Variants in RFX8 observed in about 807,000 individuals in gnomAD.
RFX8 encodes DNA-binding protein RFX8.
RFX8 carries 46 observed loss-of-function variants against 54.6 expected under a neutral mutation model. The observed-to-expected ratio is 0.84, with a 90% CI of 0.67 to 1.08. The LOEUF is 1.08. Ranked by LOEUF, RFX8 falls within the 50% of genes least tolerant of loss-of-function variation. The probability of loss-of-function intolerance (pLI) is 0.00; values close to 1 mark genes in which losing one functional copy is unlikely to be tolerated. For missense variants in RFX8, 536 were observed against 562.3 expected (o/e 0.95, Z 0.47); for synonymous variants, 192 against 209.5 (o/e 0.92, Z 0.72).
At chr2:101,462,867 C>T (rs1689356343) in intron 2 of RFX8, among the ~76,000 whole-genome samples, 1 of 152,050 alleles carries the variant, frequency 6.6e-6, no homozygotes, top group African/African-American at 2.4e-5. Flanking sequence ...CAGTTAGGGT[C>T]CCAATAGGAA....
In RFX8 at chr2:101,421,722, A is replaced by G. The variant is rs1181922918; in HGVS notation, c.237+2T>C. ...TACCCTCTCAAGTTCTCAGTTCCTC[A>G]CATTTCGTAAAATGTCTCGACAATA... is the stretch of plus-strand genomic sequence containing the variant. On this transcript the variant is annotated splice_donor_variant, in intron 4 of 11. Coordinates refer to ENST00000428343, the MANE Select transcript of RFX8 (RefSeq NM_001145664.2). LOFTEE classifies it high-confidence loss of function. 6.4e-7 allele frequency: 1 copy of G among 1,550,646 alleles called. No individual in the cohort carries two copies. The highest frequency in any genetic ancestry group is 2.0e-5 in the Admixed American group (1 of 50,688).
At chr2:101,463,325 TGGTGTGGGAGG>T (rs1223991952) in intron 2 of RFX8, among the ~76,000 whole-genome samples, 1 of 152,122 alleles carries the variant, frequency 6.6e-6, no homozygotes, top group Non-Finnish European at 1.5e-5. Flanking sequence ...CCCTCTTCCC[TGGTGTGGGAGG>T]GGTGTGGGCC....
rs1283196338 is a variant in RFX8 at position 101,397,552 on chromosome 2, A to C, written c.1418T>G (p.Val473Gly). 1 of 1,529,842 alleles carries C rather than the reference A, an allele frequency of 6.5e-7. No individual in the cohort carries two copies. The highest frequency in any genetic ancestry group is 8.8e-7 in the Non-Finnish European group (1 of 1,134,678). 94.8% of individuals were successfully genotyped at this position (1,529,842 alleles called of 1,614,324 possible). A position where few individuals can be genotyped will look rare whatever the true frequency, so the allele number is the denominator to read the frequency against. Residue 473 changes from valine (V) to glycine (G), a missense_variant, in exon 12 of 12, where the codon GTG (valine) becomes GGG (glycine). Val to Gly is a moderately radical substitution (Grantham distance 109, BLOSUM62 -3). Transcript: ENST00000428343. ...DIYFRENNAN[V>G] Reference sequence around the variant, plus strand: ...TCTCTATTCAAATAAATAATCTCACACATTAGCATTGTTTTCTCTGAAATA... The same window carrying C: ...TCTCTATTCAAATAAATAATCTCACCCATTAGCATTGTTTTCTCTGAAATA...
At chr2:101,464,356 T>A (rs934655079) in intron 2 of RFX8, among the ~76,000 whole-genome samples, 1 of 152,160 alleles carries the variant, frequency 6.6e-6, no homozygotes, top group Non-Finnish European at 1.5e-5. Flanking sequence ...CCCTAATCCA[T>A]GTAAAATATC....
intron 2 of RFX8, among the ~76,000 whole-genome samples, chr2:101,435,565 C>T (rs936892408): frequency 6.6e-6 from 1 of 152,188 alleles, no homozygotes; most frequent in Non-Finnish European, 1.5e-5. Flanking sequence ...CACGTACTCA[C>T]ACATACACAC....
chr2:101,457,347 G>A (rs6713474), intron 2 of RFX8, among the ~76,000 whole-genome samples: 52,491 of 152,032 alleles, frequency 0.35, 9,734 homozygotes, highest in African/African-American at 0.44. Context: ...GGCATTTAGT[G>A]CTATAAATTT....
At chr2:101,469,208 G>A (rs1689839269) in intron 1 of RFX8, among the ~76,000 whole-genome samples, 2 of 147,438 alleles carry the variant, frequency 1.4e-5, no homozygotes. Context: ...CCTCTGGAAT[G>A]CAGTGGTGCA....
chr2:101,456,918 C>T (rs1368914087), intron 2 of RFX8, among the ~76,000 whole-genome samples: 1 of 152,152 alleles, frequency 6.6e-6, no homozygotes, highest in Non-Finnish European at 1.5e-5. Flanking sequence ...TCAACTTCTT[C>T]CTGGTTTAGT....
intron 2 of RFX8, among the ~76,000 whole-genome samples, chr2:101,440,464 A>G (rs1688033287): frequency 6.6e-6 from 1 of 152,236 alleles, no homozygotes. Flanking sequence ...CCAGCTTTCA[A>G]TAAAAACTTT....
Position 101,459,536 on chromosome 2 carries a change from C to T in RFX8, c.72+7241G>A, listed in dbSNP as rs190663267. Among the ~76,000 whole-genome samples the T allele has an allele frequency of 2.6e-5, 4 of 152,260 alleles. No individual in the cohort carries two copies. In the East Asian group the frequency reaches 7.7e-4, roughly 29 times the overall value. ...CCAGACCCCGTTTGCCAGGGTATCACCAGCAGAGGCTGCAGAACAGCAAAT... is the reference window on the plus strand; with the variant it reads ...CCAGACCCCGTTTGCCAGGGTATCATCAGCAGAGGCTGCAGAACAGCAAAT... On this transcript the variant is annotated intron_variant, in intron 2 of 11. Coordinates refer to ENST00000428343, the MANE Select transcript of RFX8 (RefSeq NM_001145664.2).
At chr2:101,470,594 T>G (rs2149001163) in intron 1 of RFX8, among the ~76,000 whole-genome samples, 1 of 152,254 alleles carries the variant, frequency 6.6e-6, no homozygotes, top group African/African-American at 2.4e-5. Context: ...GGTGGATTAT[T>G]AAGATCTTGA....
chr2:101,444,450 T>C (rs2148962842), intron 2 of RFX8, among the ~76,000 whole-genome samples: 1 of 152,264 alleles, frequency 6.6e-6, no homozygotes, highest in South Asian at 2.1e-4. Context: ...ATAACCAAAA[T>C]TCCCAGGATA....
intron 9 of RFX8, among the ~76,000 whole-genome samples, chr2:101,410,377 A>G (rs1297797611): frequency 8.2e-6 from 1 of 122,586 alleles, no homozygotes; most frequent in Non-Finnish European, 1.7e-5. Flanking sequence ...ACACACCCAA[A>G]CATATGCCCA....
At chr2:101,428,733 T>C (rs1573409224) in intron 2 of RFX8, among the ~76,000 whole-genome samples, 1 of 152,214 alleles carries the variant, frequency 6.6e-6, no homozygotes, top group East Asian at 1.9e-4. Context: ...AAGCAGGGAA[T>C]GTGCAGCCAA....
intron 1 of RFX8, among the ~76,000 whole-genome samples, chr2:101,469,541 A>C (rs1689860005): frequency 6.6e-6 from 1 of 152,122 alleles, no homozygotes; most frequent in Non-Finnish European, 1.5e-5. Flanking sequence ...TAAATCCGGG[A>C]AACTGTGGCA....
intron 8 of RFX8, among the ~76,000 whole-genome samples, chr2:101,412,598 T>C (rs529682597): frequency 2.6e-5 from 4 of 152,172 alleles, no homozygotes; most frequent in African/African-American, 9.6e-5. Flanking sequence ...ACTAAGCTTT[T>C]CCCCCACAGG....
At chr2:101,412,843 T>G (rs2104552338) in intron 8 of RFX8, 72 bp downstream of exon 8, 1 of 1,389,202 alleles carries the variant, frequency 7.2e-7, no homozygotes, top group African/African-American at 1.5e-5. Context: ...AATTCATGAG[T>G]TAACGATGGC....
intron 2 of RFX8, among the ~76,000 whole-genome samples, chr2:101,432,282 G>A (rs1475157178): frequency 2.0e-5 from 3 of 152,178 alleles, no homozygotes; most frequent in African/African-American, 4.8e-5. Context: ...GGGATTAGGA[G>A]GCAATAACAT....
At chr2:101,421,330 C>A in intron 4 of RFX8, 1 of 991,380 alleles carries the variant, frequency 1.0e-6, no homozygotes, top group Non-Finnish European at 1.2e-6. Flanking sequence ...CCAGATCACT[C>A]AGCTGCGAAG....
Sources: allele counts gnomAD v4.1 joint callset (sites outside exome capture counted in the v4.1 genomes callset), GRCh38; gene constraint gnomAD v4.1.1; transcripts MANE v1.5; gene names NCBI Gene and HGNC (gene_info 2026-07-23, HGNC 2026-07-21).